The following PTPRG variants were observed in gnomAD, a reference collection of about 807,000 sequenced individuals.
The protein encoded by PTPRG is protein tyrosine phosphatase receptor type G, also known as receptor-type tyrosine-protein phosphatase gamma.
In PTPRG, 102 loss-of-function variants were observed where a neutral mutation model predicts 165.3. That is an observed-to-expected ratio of 0.62 (90% confidence interval 0.53 to 0.73). The LOEUF (loss-of-function observed/expected upper bound fraction) is 0.73. Ranked by LOEUF, PTPRG falls within the 30% of genes least tolerant of loss-of-function variation. PTPRG has a pLI of 0.00. For synonymous variants in PTPRG, 675 were observed against 669.5 expected (o/e 1.01, Z -0.13); for missense variants, 1,866 against 1,861.4 (o/e 1.00, Z -0.05).
At chr3:61,918,791 C>T (rs983282741) in intron 2 of PTPRG, among the ~76,000 whole-genome samples, 2 of 152,172 alleles carry the variant, frequency 1.3e-5, no homozygotes, top group Admixed American at 6.5e-5. Context: ...CCATTTCTCG[C>T]TACCTCTCTC....
At chr3:61,821,938 C>T (rs910388672) in intron 2 of PTPRG, among the ~76,000 whole-genome samples, 3 of 152,196 alleles carry the variant, frequency 2.0e-5, no homozygotes, top group South Asian at 2.1e-4. Context: ...CTGCCAAGTG[C>T]GTGCAGAAGC....
chr3:62,173,961 G>A (rs1357537873), intron 8 of PTPRG, among the ~76,000 whole-genome samples: 1 of 152,162 alleles, frequency 6.6e-6, no homozygotes, highest in African/African-American at 2.4e-5. Context: ...CTTCTATATG[G>A]ATGTCATCCA....
chr3:61,919,094 G>T (rs2039014193), intron 2 of PTPRG, among the ~76,000 whole-genome samples: 1 of 152,190 alleles, frequency 6.6e-6, no homozygotes, highest in African/African-American at 2.4e-5. Flanking sequence ...ATTGATGCTT[G>T]TAATTCCTGT....
chr3:61,898,964 G>A (rs778927237), intron 2 of PTPRG, among the ~76,000 whole-genome samples: 6 of 151,962 alleles, frequency 3.9e-5, no homozygotes, highest in Non-Finnish European at 5.9e-5. Context: ...GCTGGAGTGC[G>A]GCGGCGCCAT....
At chr3:61,928,355 G>T (rs1365417964) in intron 2 of PTPRG, among the ~76,000 whole-genome samples, 1 of 152,168 alleles carries the variant, frequency 6.6e-6, no homozygotes, top group African/African-American at 2.4e-5. Flanking sequence ...CAGTTTTCTA[G>T]CTTAAGTGAA....
chr3:61,840,236 G>GT (rs1157926207), intron 2 of PTPRG, among the ~76,000 whole-genome samples: 4 of 151,976 alleles, frequency 2.6e-5, no homozygotes, highest in African/African-American at 9.7e-5. Flanking sequence ...GTTGCTTTTA[G>GT]TTTTTTGACT....
intron 5 of PTPRG, among the ~76,000 whole-genome samples, chr3:62,108,560 A>G (rs896513445): frequency 1.3e-5 from 2 of 152,212 alleles, no homozygotes; most frequent in African/African-American, 4.8e-5. Flanking sequence ...GTATATGCCC[A>G]GTAATGGGAT....
chr3:61,617,504 C>A (rs55869580), intron 1 of PTPRG, among the ~76,000 whole-genome samples: 14,475 of 152,210 alleles, frequency 0.095, 770 homozygotes, highest in Middle Eastern at 0.13. Flanking sequence ...TAATCAGATA[C>A]AGAACTTCCA....
intron 1 of PTPRG, among the ~76,000 whole-genome samples, chr3:61,664,010 A>G (rs1042099599): frequency 5.9e-5 from 9 of 152,198 alleles, no homozygotes; most frequent in African/African-American, 2.2e-4. Context: ...GCAGGCATGT[A>G]TTTCTCAGAA....
At chr3:61,696,465 G>A (rs1045542924) in intron 1 of PTPRG, among the ~76,000 whole-genome samples, 1 of 152,166 alleles carries the variant, frequency 6.6e-6, no homozygotes, top group African/African-American at 2.4e-5. Context: ...TCACACCATT[G>A]CACTCCATCC....
intron 1 of PTPRG, among the ~76,000 whole-genome samples, chr3:61,736,891 A>G (rs894511922): frequency 3.3e-5 from 5 of 152,234 alleles, no homozygotes; most frequent in African/African-American, 1.2e-4. Flanking sequence ...TTATATCTCA[A>G]TAACGCTGCT....
chr3:61,694,348 T>C (rs935987619), intron 1 of PTPRG, among the ~76,000 whole-genome samples: 2 of 152,164 alleles, frequency 1.3e-5, no homozygotes, highest in African/African-American at 4.8e-5. Flanking sequence ...AAAACCACAG[T>C]GAGGTAACAC....
Position 62,203,719 on chromosome 3 carries a change from C to T in PTPRG, c.1924C>T (p.Pro642Ser), listed in dbSNP as rs777272139. ...TGCCGAGGGAGGGCATCAGACTATA[C>T]CTGGGCATGAGCAGGATCACACTGC... The part of the protein sequence containing the change: ...RTAEGGHQTI[P>S]GHEQDHTAVP... The change falls in exon 12 of 30, where the codon CCT becomes TCT. Residue 642 changes from proline to serine, a missense_variant. By Grantham distance (74) the Pro-to-Ser change is moderately conservative (BLOSUM62 -1). Around this residue, in one of 3 missense-constraint regions of PTPRG, gnomAD observed 1,452 missense variants for 1,463.0 expected, o/e 0.99. Transcript: ENST00000474889. This position sits in a 1 kb window ranked among gnomAD's most constrained non-coding sequence, Gnocchi z 6.4. The T allele has an allele frequency of 3.1e-6, 5 of 1,588,830 alleles. No homozygotes were observed. The East Asian group carries it at 1.1e-4, about 36-fold the overall frequency.
chr3:61,588,304 T>A (rs935868691), intron 1 of PTPRG, among the ~76,000 whole-genome samples: 2 of 152,152 alleles, frequency 1.3e-5, no homozygotes, highest in African/African-American at 2.4e-5. Context: ...ATACATACTT[T>A]CCTAAATTAC....
intron 2 of PTPRG, among the ~76,000 whole-genome samples, chr3:61,978,865 T>C (rs2040570152): frequency 6.6e-6 from 1 of 152,148 alleles, no homozygotes; most frequent in Non-Finnish European, 1.5e-5. Flanking sequence ...TCACAGGCCA[T>C]AGTTTGCAAA....
chr3:61,876,084 G>T (rs2037731888), intron 2 of PTPRG, among the ~76,000 whole-genome samples: 1 of 152,202 alleles, frequency 6.6e-6, no homozygotes, highest in Non-Finnish European at 1.5e-5. Context: ...AGTGAAAGAA[G>T]TGTTTACAAT....
chr3:62,048,739 G>A (rs1700375513), intron 4 of PTPRG, among the ~76,000 whole-genome samples: 1 of 152,072 alleles, frequency 6.6e-6, no homozygotes, highest in Non-Finnish European at 1.5e-5. Flanking sequence ...TCTCTATCTA[G>A]AATCATACAA....
chr3:62,164,340 T>C (rs1223745252), intron 7 of PTPRG, among the ~76,000 whole-genome samples: 1 of 152,122 alleles, frequency 6.6e-6, no homozygotes, highest in Non-Finnish European at 1.5e-5. Context: ...AAGTGAGAAA[T>C]GTAGACTCCT....
At chr3:61,950,105 G>A (rs969947492) in intron 2 of PTPRG, among the ~76,000 whole-genome samples, 3 of 152,116 alleles carry the variant, frequency 2.0e-5, no homozygotes, top group Non-Finnish European at 2.9e-5. Flanking sequence ...TCCCTGAATG[G>A]CCTTGCATTA....
Sources: allele counts gnomAD v4.1 joint callset (sites outside exome capture counted in the v4.1 genomes callset), GRCh38; gene constraint gnomAD v4.1.1; regional missense constraint gnomAD v4.1.1; non-coding constraint Gnocchi (gnomAD v3.1); transcripts MANE v1.5; gene names NCBI Gene and HGNC (gene_info 2026-07-23, HGNC 2026-07-21).